The following DAB1 variants were observed in gnomAD, a reference collection of about 807,000 sequenced individuals.
DAB1 encodes DAB adaptor protein 1, also known as disabled homolog 1.
Under a neutral mutation model 64.6 loss-of-function variants are expected in DAB1, and 15 were observed. The ratio of observed to expected loss-of-function variants is 0.23; its 90% CI spans 0.16 to 0.36. The LOEUF (loss-of-function observed/expected upper bound fraction) is 0.36, where lower values mean the gene tolerates loss of function less well. Among genes scored for constraint, DAB1 ranks in the 10% least tolerant of loss-of-function variants. DAB1 has a pLI of 1.00. For missense variants in DAB1, 596 were observed against 706.7 expected, an observed-to-expected ratio of 0.84 and a Z score of 1.78; for synonymous variants, 235 against 251.9, an observed-to-expected ratio of 0.93 and a Z score of 0.64.
intron 6 of DAB1, among the ~76,000 whole-genome samples, chr1:57,782,708 T>A (rs1650156296): frequency 6.6e-6 from 1 of 152,154 alleles, no homozygotes. Flanking sequence ...TTTTCCTGGG[T>A]AAGTAGGTAA....
chr1:57,321,090 G>T (rs34475805), intron 1 of DAB1, among the ~76,000 whole-genome samples: 1 of 152,130 alleles, frequency 6.6e-6, no homozygotes, highest in South Asian at 2.1e-4. Flanking sequence ...GTGTTAAAGG[G>T]CACACAGCTA....
chr1:57,703,713 C>G (rs1646933665), intron 6 of DAB1, among the ~76,000 whole-genome samples: 1 of 152,074 alleles, frequency 6.6e-6, no homozygotes, highest in Admixed American at 6.6e-5. Context: ...ATAAATTATT[C>G]TATTATAAAG....
intron 1 of DAB1, among the ~76,000 whole-genome samples, chr1:57,356,002 C>T (rs1449414190): frequency 6.6e-6 from 1 of 151,902 alleles, no homozygotes. Context: ...TTCTGTCGCC[C>T]TTATCACATT....
chr1:57,203,738 C>T (rs1162228328), intron 2 of DAB1, among the ~76,000 whole-genome samples: 1 of 152,152 alleles, frequency 6.6e-6, no homozygotes, highest in Admixed American at 6.5e-5. Flanking sequence ...CAAGCCCATA[C>T]TCATGTGTTT....
At chr1:57,801,394 AAC>A (rs1421361503) in intron 6 of DAB1, among the ~76,000 whole-genome samples, 5 of 152,218 alleles carry the variant, frequency 3.3e-5, no homozygotes, top group Non-Finnish European at 2.9e-5. Flanking sequence ...AGAGTTGGGA[AAC>A]ACAGAGCCTC....
intron 6 of DAB1, among the ~76,000 whole-genome samples, chr1:57,781,003 C>T (rs1650042170): frequency 6.6e-6 from 1 of 151,312 alleles, no homozygotes; most frequent in Non-Finnish European, 1.5e-5. Context: ...GCTGGGATTA[C>T]AGGCATAAGC....
At chr1:57,497,246 T>C (rs895425900) in intron 7 of DAB1, among the ~76,000 whole-genome samples, 3 of 152,260 alleles carry the variant, frequency 2.0e-5, no homozygotes, top group African/African-American at 4.8e-5. Flanking sequence ...TTATTACTTA[T>C]TAATATGATA....
At chr1:57,754,693 T>C (rs753530226) in intron 6 of DAB1, among the ~76,000 whole-genome samples, 2 of 149,944 alleles carry the variant, frequency 1.3e-5, no homozygotes, top group Admixed American at 1.4e-4. Context: ...CTGTCTAAAA[T>C]AAACAAACAA....
intron 4 of DAB1, among the ~76,000 whole-genome samples, chr1:58,243,776 C>A (rs568301034): frequency 6.6e-6 from 1 of 152,042 alleles, no homozygotes; most frequent in South Asian, 2.1e-4. Context: ...TAAAACAAGG[C>A]AGATATTATT....
intron 6 of DAB1, among the ~76,000 whole-genome samples, chr1:57,710,063 T>C (rs1647010122): frequency 6.6e-6 from 1 of 152,188 alleles, no homozygotes; most frequent in African/African-American, 2.4e-5. Context: ...TTACCCTCAC[T>C]ATCTTCCTAA....
At chr1:58,395,532 T>A (rs1448633855) in intron 3 of DAB1, among the ~76,000 whole-genome samples, 4 of 152,232 alleles carry the variant, frequency 2.6e-5, no homozygotes, top group Admixed American at 2.6e-4. Flanking sequence ...TCTGAATTCC[T>A]GCCTGTGTGA....
intron 3 of DAB1, among the ~76,000 whole-genome samples, chr1:58,348,201 C>T (rs1049409174): frequency 6.6e-6 from 1 of 152,102 alleles, no homozygotes; most frequent in African/African-American, 2.4e-5. Flanking sequence ...CCTAACAACT[C>T]TAGGAGGTTG....
intron 3 of DAB1, among the ~76,000 whole-genome samples, chr1:57,140,575 C>A (rs533087479): frequency 2.6e-5 from 4 of 152,208 alleles, no homozygotes; most frequent in Admixed American, 2.0e-4. Context: ...TAGGTAGAAC[C>A]AACAGCTTCC....
intron 5 of DAB1, among the ~76,000 whole-genome samples, chr1:57,970,392 G>T (rs1373316200): frequency 6.6e-6 from 1 of 152,132 alleles, no homozygotes; most frequent in Admixed American, 6.5e-5. Flanking sequence ...GCCAGTGGGG[G>T]TCACCCTGAA....
intron 5 of DAB1, chr1:58,049,203 A>C: frequency 2.6e-6 from 2 of 768,636 alleles, no homozygotes; most frequent in Non-Finnish European, 4.8e-6. Context: ...ATGGCTTCTC[A>C]GGTTCTCATC....
At chr1:58,158,280 G>T (rs1655326184) in intron 4 of DAB1, among the ~76,000 whole-genome samples, 1 of 152,126 alleles carries the variant, frequency 6.6e-6, no homozygotes, top group Admixed American at 6.6e-5. Context: ...CAAATGTAAT[G>T]GATTAGTTCA....
chr1:57,583,822 G>A (rs1645345424), intron 7 of DAB1, among the ~76,000 whole-genome samples: 1 of 152,160 alleles, frequency 6.6e-6, no homozygotes. Flanking sequence ...CATCTTCTCT[G>A]GTACAAGAAT....
At chr1:58,070,467 A>C (rs1557636776) in intron 5 of DAB1, among the ~76,000 whole-genome samples, 1 of 152,250 alleles carries the variant, frequency 6.6e-6, no homozygotes, top group South Asian at 2.1e-4. Context: ...TGGATGAGCC[A>C]GACACCTGGG....
In DAB1 at chr1:58,392,252, C is replaced by T. The variant is rs951639734; in HGVS notation, n.258-48849G>A. Among the ~76,000 whole-genome samples the T allele has an allele frequency of 3.3e-5, 5 of 152,348 alleles. No individual in the cohort carries two copies. In the South Asian group the frequency reaches 6.2e-4, roughly 19 times the overall value. The stretch of plus-strand genomic sequence containing the variant: ...CAAAACAAGCTGAAGTCAGCCAGCA[C>T]CTCTGCATGTACCTCTCACCACGTT... On this transcript the variant is annotated intron_variant and non_coding_transcript_variant, in intron 3 of 20. Transcript: ENST00000485760.
Sources: allele counts gnomAD v4.1 joint callset (sites outside exome capture counted in the v4.1 genomes callset), GRCh38; gene constraint gnomAD v4.1.1; transcripts MANE v1.5; gene names NCBI Gene and HGNC (gene_info 2026-07-23, HGNC 2026-07-21).